The following FRS3 variants were observed in gnomAD, a reference collection of about 807,000 sequenced individuals.
FRS3 encodes fibroblast growth factor receptor substrate 3.
FRS3 carries 17 observed loss-of-function variants against 41.9 expected under a neutral mutation model. The observed-to-expected ratio is 0.41, with a 90% confidence interval of 0.28 to 0.61. The LOEUF (loss-of-function observed/expected upper bound fraction) is 0.61, where lower values mean the gene tolerates loss of function less well. FRS3 is among the 20% of genes least tolerant of loss of function. The pLI is 0.36. For missense variants in FRS3, 619 were observed against 672.1 expected, an observed-to-expected ratio of 0.92 and a Z score of 0.87; for synonymous variants, 287 against 274.5, an observed-to-expected ratio of 1.05 and a Z score of -0.45.
intron 2 of FRS3, chr6:41,777,375 T>TG (rs1561893163): frequency 5.6e-6 from 1 of 177,204 alleles, no homozygotes; most frequent in Non-Finnish European, 1.2e-5. Context: ...CTGCAGCAGA[T>TG]GGAGGTGGGT....
rs772344038 is a variant in FRS3, at chr6:41,777,037, G to A, written c.-23-27C>T. 6.5e-6 allele frequency: 10 copies of A among 1,542,452 alleles called. No individual in the cohort carries two copies. In the South Asian group the frequency reaches 8.9e-5, roughly 14 times the overall value. Reference sequence around the variant, plus strand: ...TAGGAAAAACATACAGGATATGCAGGTCACCAACTTCAGCTTCAAAAAACC... The same window carrying A: ...TAGGAAAAACATACAGGATATGCAGATCACCAACTTCAGCTTCAAAAAACC... On this transcript the variant is annotated intron_variant, in intron 2 of 6. Coordinates refer to ENST00000373018, the MANE Select transcript of FRS3 (RefSeq NM_006653.5).
At position 41,771,273 on chromosome 6, in the gene FRS3, G is replaced by A. The variant is rs769639339; in HGVS notation, c.825C>T (p.Ala275=). 4 of 1,612,044 alleles carry A rather than the reference G, an allele frequency of 2.5e-6. No homozygotes were observed. The highest frequency in any genetic ancestry group is 2.2e-5 in the East Asian group (1 of 44,824). The change falls in exon 7 of 7, where the codon GCC becomes GCT. Residue 275 remains alanine, a synonymous_variant. Coordinates refer to ENST00000373018, the MANE Select transcript of FRS3 (RefSeq NM_006653.5). ...TGGGCTGGGCTGGACACTCAGAAGG[G>A]GCCTCATTGTTATTATTGTGGTGTG... ...DPPHHNNNNE[A]PSECPAQPKC... is the part of the protein sequence containing the mutation.
rs371055105 is a variant in FRS3 at position 41,772,880 on chromosome 6, A to G, written c.333T>C (p.Asn111=). 8.4e-5 allele frequency: 135 copies of G among 1,613,686 alleles called. No individual in the cohort carries two copies. ...TGATGATGACAGGCTCTTCCATCAC[A>G]TTGATGCTGTTGCACTGCATCAGAT... ...LQDLMQCNSI[N]VMEEPVIITR... The change falls in exon 5 of 7, where the codon AAT becomes AAC. Residue 111 remains asparagine, a synonymous_variant. Coordinates refer to ENST00000373018, the MANE Select transcript of FRS3 (RefSeq NM_006653.5).
rs1166918820 is a variant in FRS3 at position 41,771,900 on chromosome 6, A to G, written c.480T>C (p.Ala160=). 1 of 1,556,698 alleles carries G rather than the reference A, an allele frequency of 6.4e-7. No individual in the cohort carries two copies. Among genetic ancestry groups the G allele is most frequent in the South Asian group, 1.2e-5 (1 of 84,358 alleles). ...GGCTGCTTGTCGAGAGCCGCCGGGG[A>G]GCTGAGAATCGTGGGCCCTCTCCAG... ...GCPGEGPRFS[A]PRRLSTSSLR... The change falls in exon 6 of 7, where the codon GCT becomes GCC. Residue 160 remains alanine, a synonymous_variant. Transcript: ENST00000373018.
chr6:41,770,409 C>T lies in FRS3; in HGVS notation c.*210G>A, dbSNP rs1772254649. The T allele has an allele frequency of 3.3e-6, 2 of 600,532 alleles. 1 individual carries two copies. Among genetic ancestry groups the T allele is most frequent in the South Asian group, 4.0e-5 (2 of 49,706 alleles). The allele number at this position is 600,532 out of a possible 1,614,324, so 37.2% of individuals were successfully genotyped here. A position where few individuals can be genotyped will look rare whatever the true frequency, so the allele number is the denominator to read the frequency against. On this transcript the variant is annotated 3_prime_UTR_variant, in exon 7 of 7. Coordinates refer to ENST00000373018, the MANE Select transcript of FRS3 (RefSeq NM_006653.5). Reference sequence around the variant, plus strand: ...CGTCTCGGCTCCCTCCTCGCCTGGTCACCCTTCTCTCCCCAGCCTGGAGAC... The same window carrying T: ...CGTCTCGGCTCCCTCCTCGCCTGGTTACCCTTCTCTCCCCAGCCTGGAGAC...
intron 3 of FRS3, chr6:41,776,672 A>G (rs1772418746): frequency 2.1e-6 from 1 of 470,820 alleles, no homozygotes; most frequent in Non-Finnish European, 3.8e-6. Context: ...ATACACTGAC[A>G]ACAGTTCCAA....
chr6:41,777,036 G>A (rs748651660), intron 2 of FRS3, 26 bp from the exon 3 acceptor site: 1 of 1,547,460 alleles, frequency 6.5e-7, no homozygotes, highest in Non-Finnish European at 8.9e-7. Context: ...AGGATATGCA[G>A]GTCACCAACT....
At position 41,770,540 on chromosome 6, in the gene FRS3, A is replaced by T; in HGVS notation, c.*79T>A. 7.1e-7 allele frequency: 1 copy of T among 1,404,494 alleles called. No individual in the cohort carries two copies. The highest frequency in any genetic ancestry group is 1.2e-5 in the South Asian group (1 of 85,758). 87.0% of individuals were successfully genotyped at this position (1,404,494 alleles called of 1,614,324 possible). On this transcript the variant is annotated 3_prime_UTR_variant, in exon 7 of 7. Coordinates refer to ENST00000373018, the MANE Select transcript of FRS3 (RefSeq NM_006653.5). ...TGCAAAGCAACCCTGAACCCTGGGG[A>T]GGGTGGGTTCAGAGGACAGGAGTGT...
intron 1 of FRS3, 72 bp from the exon 2 acceptor site, chr6:41,778,248 C>T (rs1772451210): frequency 1.3e-5 from 2 of 152,446 alleles, no homozygotes; most frequent in Middle Eastern, 3.4e-3. Flanking sequence ...TGAAAACTGA[C>T]CTAACAGTCC....
chr6:41,772,859 G>A lies in FRS3; in HGVS notation c.354C>T (p.Ile118=). 1 of 1,613,530 alleles carries A rather than the reference G, an allele frequency of 6.2e-7. No homozygotes were observed. The highest frequency in any genetic ancestry group is 8.5e-7 in the Non-Finnish European group (1 of 1,179,788). ...NSINVMEEPV[I]ITRNSHPAEL... is the part of the protein sequence containing the mutation. ...CAGCGGGGTGGCTATTGCGGGTGAT[G>A]ATGACAGGCTCTTCCATCACATTGA... The change falls in exon 5 of 7, where the codon ATC becomes ATT. Residue 118 remains isoleucine, a synonymous_variant. Transcript: ENST00000373018.
At chr6:41,771,666 T>G in intron 6 of FRS3, 133 bp from the exon 7 acceptor site, 1 of 1,142,538 alleles carries the variant, frequency 8.8e-7, no homozygotes, top group Non-Finnish European at 1.2e-6. Flanking sequence ...CCAACCCTTC[T>G]GAGGAAGCTG....
rs202048286 is a variant in FRS3 at position 41,771,837 on chromosome 6, G to A, written c.543C>T (p.Ala181=). 8 of 1,552,504 alleles carry A rather than the reference G, an allele frequency of 5.2e-6. No individual in the cohort carries two copies. The East Asian group carries it at 1.7e-4, about 33-fold the overall frequency. ...HPSLGEESTH[A]LIAPDEQSHT... ...TCACCTGCTCATCAGGAGCAATGAG[G>A]GCATGGGTGGACTCTTCCCCAAGCG... The change falls in exon 6 of 7, where the codon GCC becomes GCT. Residue 181 remains alanine (A), a synonymous_variant. Coordinates refer to ENST00000373018, the MANE Select transcript of FRS3 (RefSeq NM_006653.5).
Position 41,771,498 on chromosome 6 carries a change from A to T in FRS3, c.600T>A (p.Asp200Glu). 6.4e-7 allele frequency: 1 copy of T among 1,564,716 alleles called. No individual in the cohort carries two copies. The highest frequency in any genetic ancestry group is 8.6e-7 in the Non-Finnish European group (1 of 1,156,836). ...HTYVNTPASE[D>E]DHRRGRHCLQ... ...GGCAGTGGCGGCCCCTGCGGTGGTC[A>T]TCTTCACTGGCCGGTGTGTTGACAT... The change falls in exon 7 of 7, where the codon GAT (aspartate) becomes GAA (glutamate). Residue 200 changes from aspartate to glutamate, a missense_variant. Transcript: ENST00000373018.
Position 41,771,821 on chromosome 6 carries a change from C to T in FRS3, c.559G>A (p.Glu187Lys), listed in dbSNP as rs762618511. The change falls in exon 6 of 7, where the codon GAG (glutamate) becomes AAG (lysine). Residue 187 changes from glutamate (E) to lysine (K), a missense_variant. Around this residue, in one of 3 missense-constraint regions of FRS3, gnomAD observed 487 missense variants for 478.3 expected, o/e 1.02. Transcript: ENST00000373018. ...CTGGCCGGCTGCGTGCTCACCTGCT[C>T]ATCAGGAGCAATGAGGGCATGGGTG... ...ESTHALIAPD[E>K]QSHTYVNTPA... is the part of the protein sequence containing the mutation. 34 of 1,551,714 alleles carry T rather than the reference C, an allele frequency of 2.2e-5. No individual in the cohort carries two copies. The highest frequency in any genetic ancestry group is 2.6e-5 in the Non-Finnish European group (30 of 1,147,636).
At chr6:41,777,827 C>T (rs1772441902) in intron 2 of FRS3, 1 of 152,120 alleles carries the variant, frequency 6.6e-6, no homozygotes, top group Non-Finnish European at 1.5e-5. Context: ...GCTTGAATGA[C>T]CTAAGGGAAC....
rs111464322 is a variant in FRS3 at position 41,770,948 on chromosome 6, C to A, written c.1150G>T (p.Gly384Cys). The A allele has an allele frequency of 6.2e-7, 1 of 1,612,742 alleles. No homozygotes were observed. Among genetic ancestry groups the A allele is most frequent in the African/African-American group, 1.3e-5 (1 of 74,934 alleles). The stretch of plus-strand genomic sequence containing the variant: ...CGGGTCAGTGGCACAGGAAAGCTGC[C>A]GTGGCTGCGGATGGCGGCCCGGGTG... The part of the protein sequence containing the change: ...TSTRAAIRSH[G>C]SFPVPLTRRR... The change falls in exon 7 of 7, where the codon GGC (glycine) becomes TGC (cysteine). Residue 384 changes from glycine (G) to cysteine (C), a missense_variant. Physicochemically the swap from Gly to Cys is radical, Grantham distance 159. Around this residue, in one of 3 missense-constraint regions of FRS3, gnomAD observed 487 missense variants for 478.3 expected, o/e 1.02. Transcript: ENST00000373018.
At chr6:41,772,720 G>A in intron 5 of FRS3, 78 bp downstream of exon 5, 5 of 1,487,324 alleles carry the variant, frequency 3.4e-6, no homozygotes, top group Non-Finnish European at 4.5e-6. Flanking sequence ...AGCTTAACTA[G>A]TCCCTCAGAT....
intron 5 of FRS3, 41 bp downstream of exon 5, chr6:41,772,745 CGTGTGTGTGTGT>C (rs70987534): frequency 3.9e-5 from 45 of 1,162,756 alleles, no homozygotes; most frequent in South Asian, 6.2e-5. Context: ...GCTTCCTGGG[CGTGTGTGTGTGT>C]GTGTGTGTGT....
intron 3 of FRS3, chr6:41,776,634 A>AAAG: frequency 3.1e-6 from 1 of 326,000 alleles, no homozygotes; most frequent in East Asian, 5.3e-5. Flanking sequence ...TAAAAAAAAA[A>AAAG]GGGGGGGGGA....
Sources: gnomAD v4.1 joint callset for allele counts on GRCh38, gnomAD v4.1.1 for gene constraint, gnomAD v4.1.1 regional missense constraint, MANE v1.5 for transcripts, NCBI Gene and HGNC (gene_info 2026-07-23, HGNC 2026-07-21) for gene names.